LRRTM3: variants seen among roughly 807,000 people sequenced by gnomAD.
The protein encoded by LRRTM3 is leucine rich repeat transmembrane neuronal 3, also known as leucine-rich repeat transmembrane neuronal protein 3.
A neutral mutation model predicts 44.7 loss-of-function variants in LRRTM3; 24 were observed. The observed-to-expected ratio is 0.54, with a 90% CI of 0.39 to 0.76. The LOEUF is 0.76. Ranked by LOEUF, LRRTM3 falls within the 30% of genes least tolerant of loss-of-function variation. LRRTM3 has a pLI of 0.00. For missense variants in LRRTM3, 587 were observed against 702.2 expected, an observed-to-expected ratio of 0.84 and a Z score of 1.85; for synonymous variants, 277 against 278.7, an observed-to-expected ratio of 0.99 and a Z score of 0.06.
rs73314114 is a variant in LRRTM3, at chr10:66,980,377, T to C, written c.1536+51925T>C. On this transcript the variant is annotated intron_variant, in intron 2 of 2. Transcript: ENST00000361320. Reference sequence around the variant, plus strand: ...TGCTTGCTCTGTTAGCAGCAAACTATATAGGGAAGCCATCTTCTGGCTCAC... The same window carrying C: ...TGCTTGCTCTGTTAGCAGCAAACTACATAGGGAAGCCATCTTCTGGCTCAC... Among the ~76,000 whole-genome samples, 1,132 of 152,240 alleles carry C rather than the reference T, an allele frequency of 7.4e-3. 15 individuals carry two copies. The highest frequency in any genetic ancestry group is 0.026 in the African/African-American group (1,076 of 41,534).
At chr10:67,035,864 A>G (rs1356041259) in intron 2 of LRRTM3, among the ~76,000 whole-genome samples, 2 of 152,212 alleles carry the variant, frequency 1.3e-5, no homozygotes, top group African/African-American at 2.4e-5. Flanking sequence ...ACATTATTCT[A>G]TATTCCCTAT....
At chr10:67,013,412 C>A (rs1019008945) in intron 2 of LRRTM3, among the ~76,000 whole-genome samples, 1 of 152,034 alleles carries the variant, frequency 6.6e-6, no homozygotes, top group African/African-American at 2.4e-5. Flanking sequence ...TTCAAACAAT[C>A]ATTGTTATCA....
chr10:67,097,311 A>G (rs925646015), intron 2 of LRRTM3, among the ~76,000 whole-genome samples: 1 of 151,924 alleles, frequency 6.6e-6, no homozygotes, highest in African/African-American at 2.4e-5. Context: ...GACTGTTCCA[A>G]TAAATCTTTT....
intron 2 of LRRTM3, among the ~76,000 whole-genome samples, chr10:67,053,178 A>C (rs1219678928): frequency 6.6e-6 from 1 of 152,192 alleles, no homozygotes; most frequent in African/African-American, 2.4e-5. Context: ...TAGAATATTA[A>C]GGTTTGGTCA....
At chr10:66,981,619 T>G (rs115675035) in intron 2 of LRRTM3, among the ~76,000 whole-genome samples, 17 of 152,220 alleles carry the variant, frequency 1.1e-4, no homozygotes, top group Non-Finnish European at 1.8e-4. Context: ...GCATCTGTGG[T>G]TAATTTTTAG....
chr10:66,941,747 T>A (rs1848007419), intron 2 of LRRTM3, among the ~76,000 whole-genome samples: 1 of 152,118 alleles, frequency 6.6e-6, no homozygotes, highest in Non-Finnish European at 1.5e-5. Context: ...GTGAGCTGAG[T>A]GTGGCTGAAA....
In LRRTM3 at chr10:66,926,286, C is replaced by G. The variant is rs547503964; in HGVS notation, c.-298C>G. On this transcript the variant is annotated 5_prime_UTR_variant, in exon 1 of 3. Transcript: ENST00000361320. ...GTTTTTTTTTTAACCGCCCCCTCCC[C>G]ACCCCCCAAAAAACTGTAAAGATGC... is the stretch of plus-strand genomic sequence containing the variant. 21 of 510,090 alleles carry G rather than the reference C, an allele frequency of 4.1e-5. No homozygotes were observed. In the African/African-American group the frequency reaches 4.2e-4, roughly 10 times the overall value. 31.6% of individuals were successfully genotyped at this position (510,090 alleles called of 1,614,324 possible).
chr10:66,981,881 G>C (rs1055522950), intron 2 of LRRTM3, among the ~76,000 whole-genome samples: 1 of 152,102 alleles, frequency 6.6e-6, no homozygotes. Context: ...CCACTTACTT[G>C]CTCCCAAAGT....
At chr10:66,959,607 T>C (rs1242684101) in intron 2 of LRRTM3, among the ~76,000 whole-genome samples, 1 of 152,158 alleles carries the variant, frequency 6.6e-6, no homozygotes, top group Non-Finnish European at 1.5e-5. Context: ...AGTAGATGAT[T>C]TCTACAACTA....
In LRRTM3 at chr10:66,959,976, A is replaced by G. The variant is rs12260779; in HGVS notation, c.1536+31524A>G. ...CACCTCAAACAACAGATCCTGCTACAAGGCTAGTCTGTACTGAGTTTATAA... is the reference window on the plus strand; with the variant it reads ...CACCTCAAACAACAGATCCTGCTACGAGGCTAGTCTGTACTGAGTTTATAA... On this transcript the variant is annotated intron_variant, in intron 2 of 2. Coordinates refer to ENST00000361320, the MANE Select transcript of LRRTM3 (RefSeq NM_178011.5). Among the ~76,000 whole-genome samples, 1,137 of 152,238 alleles carry G rather than the reference A, an allele frequency of 7.5e-3. 15 individuals are homozygous for G. The highest frequency in any genetic ancestry group is 0.026 in the African/African-American group (1,084 of 41,570).
chr10:66,983,317 G>A (rs1250381075), intron 2 of LRRTM3, among the ~76,000 whole-genome samples: 1 of 152,046 alleles, frequency 6.6e-6, no homozygotes, highest in African/African-American at 2.4e-5. Flanking sequence ...ATAAGACCCT[G>A]GTGCATTATG....
chr10:66,933,613 A>C (rs1820832694), intron 2 of LRRTM3, among the ~76,000 whole-genome samples: 1 of 152,156 alleles, frequency 6.6e-6, no homozygotes, highest in Admixed American at 6.6e-5. Context: ...ATCTGCTCTG[A>C]TGTTTCTCCC....
At chr10:67,060,190 C>A (rs563384753) in intron 2 of LRRTM3, among the ~76,000 whole-genome samples, 2 of 152,106 alleles carry the variant, frequency 1.3e-5, no homozygotes, top group East Asian at 1.9e-4. Flanking sequence ...TGATGACATG[C>A]GCCTGTAGTC....
chr10:66,988,635 A>G (rs1393083114), intron 2 of LRRTM3, among the ~76,000 whole-genome samples: 1 of 152,126 alleles, frequency 6.6e-6, no homozygotes, highest in Non-Finnish European at 1.5e-5. Context: ...ATGTTATGTC[A>G]GTGCTTCTGA....
intron 2 of LRRTM3, among the ~76,000 whole-genome samples, chr10:67,088,148 A>C (rs1446831060): frequency 1.3e-5 from 2 of 151,584 alleles, no homozygotes; most frequent in African/African-American, 4.8e-5. Context: ...TGGGGAGATA[A>C]GAAATGCTTT....
intron 2 of LRRTM3, among the ~76,000 whole-genome samples, chr10:66,940,163 C>A (rs951992398): frequency 2.0e-5 from 3 of 152,078 alleles, no homozygotes; most frequent in Admixed American, 2.0e-4. Flanking sequence ...AGATGGAAAA[C>A]GTTGTTCTGA....
At chr10:66,987,140 G>A (rs752397006) in intron 2 of LRRTM3, among the ~76,000 whole-genome samples, 10 of 152,266 alleles carry the variant, frequency 6.6e-5, no homozygotes, top group East Asian at 1.9e-4. Context: ...CTAGAGCCAC[G>A]TGCGTAGGTT....
intron 2 of LRRTM3, among the ~76,000 whole-genome samples, chr10:67,034,638 C>T (rs1490327108): frequency 1.3e-5 from 2 of 152,106 alleles, no homozygotes; most frequent in Non-Finnish European, 2.9e-5. Flanking sequence ...CAAGAATGGC[C>T]GTGTGTTCTG....
chr10:66,977,179 CTGTAA>C (rs1850089013), intron 2 of LRRTM3, among the ~76,000 whole-genome samples: 1 of 152,128 alleles, frequency 6.6e-6, no homozygotes, highest in Non-Finnish European at 1.5e-5. Flanking sequence ...TGGCTTACAC[CTGTAA>C]TCCTAGCACT....
Sources: gnomAD v4.1 joint callset for allele counts (sites outside exome capture counted in the v4.1 genomes callset) on GRCh38, gnomAD v4.1.1 for gene constraint, MANE v1.5 for transcripts, NCBI Gene and HGNC (gene_info 2026-07-23, HGNC 2026-07-21) for gene names.